Variants in NTM observed in about 807,000 individuals in gnomAD.
The protein encoded by NTM is IgLON family member 2.
A neutral mutation model predicts 42.1 loss-of-function variants in NTM; 13 were observed. The ratio of observed to expected loss-of-function variants is 0.31; its 90% CI spans 0.20 to 0.49. The LOEUF is 0.49. Among genes scored for constraint, NTM ranks in the 20% least tolerant of loss-of-function variants. The pLI is 0.99. For missense variants in NTM, 373 were observed against 452.8 expected (o/e 0.82, Z 1.60); for synonymous variants, 187 against 179.2 (o/e 1.04, Z -0.35).
At chr11:131,630,769 T>C (rs1239090319) in intron 1 of NTM, among the ~76,000 whole-genome samples, 1 of 152,218 alleles carries the variant, frequency 6.6e-6, no homozygotes, top group Non-Finnish European at 1.5e-5. Flanking sequence ...TAATTAGTTA[T>C]CTGTATTGCA....
chr11:131,882,281 T>C (rs759867256), intron 1 of NTM, among the ~76,000 whole-genome samples: 5 of 152,202 alleles, frequency 3.3e-5, no homozygotes, highest in Non-Finnish European at 7.4e-5. Flanking sequence ...ATCTACAAGA[T>C]GGGCCAACGG....
intron 1 of NTM, among the ~76,000 whole-genome samples, chr11:131,437,808 G>A (rs1349470375): frequency 6.6e-6 from 1 of 152,194 alleles, no homozygotes; most frequent in East Asian, 1.9e-4. Flanking sequence ...ATTGTTACAT[G>A]TGAATTTGAT....
At chr11:132,122,928 T>C (rs1445481603) in intron 2 of NTM, among the ~76,000 whole-genome samples, 1 of 152,120 alleles carries the variant, frequency 6.6e-6, no homozygotes, top group Non-Finnish European at 1.5e-5. Flanking sequence ...TTCATCTAAT[T>C]GGAAACAAAA....
chr11:131,797,121 T>C (rs1426197871), intron 1 of NTM, among the ~76,000 whole-genome samples: 1 of 152,254 alleles, frequency 6.6e-6, no homozygotes, highest in African/African-American at 2.4e-5. Context: ...TAGTAAGTAA[T>C]GGTTTTCCTG....
chr11:132,178,568 A>G (rs1490743704), intron 3 of NTM, among the ~76,000 whole-genome samples: 1 of 152,060 alleles, frequency 6.6e-6, no homozygotes, highest in Non-Finnish European at 1.5e-5. Context: ...ATAAATAATT[A>G]TGAAAAGTTT....
At chr11:131,638,397 T>C (rs1739674395) in intron 1 of NTM, among the ~76,000 whole-genome samples, 1 of 151,666 alleles carries the variant, frequency 6.6e-6, no homozygotes, top group Non-Finnish European at 1.5e-5. Context: ...TGAAACCCTG[T>C]CTCTACAAAA....
intron 3 of NTM, among the ~76,000 whole-genome samples, chr11:132,182,391 G>A (rs1239713806): frequency 5.3e-5 from 8 of 152,170 alleles, no homozygotes; most frequent in African/African-American, 1.9e-4. Flanking sequence ...TCAAACTGCA[G>A]ATCATGCTCA....
At chr11:132,185,117 G>A (rs1217844986) in intron 3 of NTM, among the ~76,000 whole-genome samples, 3 of 152,112 alleles carry the variant, frequency 2.0e-5, no homozygotes, top group Non-Finnish European at 4.4e-5. Flanking sequence ...AACTTTAAAA[G>A]TGAAAAACAA....
intron 1 of NTM, among the ~76,000 whole-genome samples, chr11:131,636,842 G>A (rs1219897487): frequency 6.6e-6 from 1 of 152,134 alleles, no homozygotes; most frequent in Non-Finnish European, 1.5e-5. Flanking sequence ...GAACACCATG[G>A]GCACTAACCA....
chr11:131,710,953 A>G (rs1273967835), intron 1 of NTM, among the ~76,000 whole-genome samples: 1 of 152,128 alleles, frequency 6.6e-6, no homozygotes, highest in African/African-American at 2.4e-5. Context: ...ATTTCTGGCT[A>G]CTGCACTGGT....
intron 1 of NTM, among the ~76,000 whole-genome samples, chr11:131,599,196 T>G (rs1183473716): frequency 6.6e-6 from 1 of 152,138 alleles, no homozygotes; most frequent in Non-Finnish European, 1.5e-5. Flanking sequence ...ATTACAGGCT[T>G]GAGCCACCGC....
intron 1 of NTM, chr11:131,537,515 G>A (rs1309788167): frequency 6.6e-6 from 1 of 152,182 alleles, no homozygotes; most frequent in East Asian, 1.9e-4. Context: ...CTGAAGATCA[G>A]CTTCAAAAGG....
chr11:132,187,059 A>G (rs998819894), intron 3 of NTM, among the ~76,000 whole-genome samples: 8 of 152,302 alleles, frequency 5.3e-5, no homozygotes, highest in African/African-American at 1.9e-4. Flanking sequence ...AATAGACTCC[A>G]CTGAATACAT....
chr11:132,167,759 G>A (rs774083268), intron 3 of NTM, among the ~76,000 whole-genome samples: 55 of 152,170 alleles, frequency 3.6e-4, no homozygotes, highest in African/African-American at 1.2e-3. Context: ...TGTTCAAGGT[G>A]GATATGTGTA....
chr11:132,066,782 T>C (rs1296691512), intron 2 of NTM, among the ~76,000 whole-genome samples: 4 of 152,168 alleles, frequency 2.6e-5, no homozygotes, highest in African/African-American at 9.7e-5. Context: ...TATGAATTAA[T>C]TGCATTGCAT....
At chr11:132,176,514 T>C (rs1351956701) in intron 3 of NTM, among the ~76,000 whole-genome samples, 1 of 152,144 alleles carries the variant, frequency 6.6e-6, no homozygotes, top group Non-Finnish European at 1.5e-5. Flanking sequence ...AATTAGGTTA[T>C]GCATGTAACA....
At chr11:131,694,097 C>T (rs2075131641) in intron 1 of NTM, among the ~76,000 whole-genome samples, 2 of 152,192 alleles carry the variant, frequency 1.3e-5, no homozygotes, top group South Asian at 4.1e-4. Context: ...TGTTCTCCTC[C>T]CTGCCAAGGT....
chr11:132,101,689 T>G (rs1328951519), intron 2 of NTM, among the ~76,000 whole-genome samples: 1 of 152,172 alleles, frequency 6.6e-6, no homozygotes, highest in Non-Finnish European at 1.5e-5. Flanking sequence ...CAATTTGATG[T>G]TGTCCTCTTC....
At chr11:131,761,825 AAATAAATAAAT>A (rs1307694920) in intron 1 of NTM, among the ~76,000 whole-genome samples, 1 of 140,518 alleles carries the variant, frequency 7.1e-6, no homozygotes, top group Non-Finnish European at 1.5e-5. Context: ...ATAAATAAAT[AAATAAATAAAT>A]AAATAAATAA....
Sources: allele counts gnomAD v4.1 joint callset (sites outside exome capture counted in the v4.1 genomes callset), GRCh38; gene constraint gnomAD v4.1.1; transcripts MANE v1.5; gene names NCBI Gene and HGNC (gene_info 2026-07-23, HGNC 2026-07-21).